ST3GAL6: variants seen among roughly 807,000 people sequenced by gnomAD.
The protein encoded by ST3GAL6 is type 2 lactosamine alpha-2,3-sialyltransferase.
ST3GAL6 carries 31 observed loss-of-function variants against 40.5 expected under a neutral mutation model. That is an observed-to-expected ratio of 0.77 (90% CI 0.58 to 1.03). The LOEUF is 1.03. Among genes scored for constraint, ST3GAL6 ranks in the 50% least tolerant of loss-of-function variants. The pLI, the probability that ST3GAL6 is intolerant of heterozygous loss-of-function variation, is 0.00. For synonymous variants in ST3GAL6, 129 were observed against 136.9 expected (o/e 0.94, Z 0.40); for missense variants, 357 against 393.2 (o/e 0.91, Z 0.78).
Position 98,793,797 on chromosome 3 carries a change from GT to G in ST3GAL6, c.*40del. 1 of 1,393,704 alleles carries G rather than the reference GT, an allele frequency of 7.2e-7. No individual in the cohort carries two copies. Among genetic ancestry groups the G allele is most frequent in the Non-Finnish European group, 9.9e-7 (1 of 1,014,890 alleles). 86.3% of individuals were successfully genotyped at this position (1,393,704 alleles called of 1,614,324 possible). A position where few individuals can be genotyped will look rare whatever the true frequency, so the allele number is the denominator to read the frequency against. ...TCAGAAGATGATGCTAACAGTGTTAGTTTTATTTTTGTACTGCAATTTTTAG... is the reference window on the plus strand; with the variant it reads ...TCAGAAGATGATGCTAACAGTGTTAGTTTATTTTTGTACTGCAATTTTTAG... On this transcript the variant is annotated 3_prime_UTR_variant, in exon 10 of 10. Transcript: ENST00000483910.
In ST3GAL6 at chr3:98,755,336, G is replaced by A. The variant is rs565724191; in HGVS notation, c.-11-13094G>A. On this transcript the variant is annotated intron_variant, in intron 1 of 9. Coordinates refer to the ST3GAL6 transcript ENST00000265261. The stretch of plus-strand genomic sequence containing the variant: ...GCTGGGATTACAGGTGTGAGCCACC[G>A]CGCCCGGCCTGAACTTATATACTAG... Among the ~76,000 whole-genome samples, 10 of 152,220 alleles carry A rather than the reference G, an allele frequency of 6.6e-5. No individual in the cohort carries two copies. The East Asian group carries it at 1.5e-3, about 24-fold the overall frequency.
At chr3:98,771,943 G>A (rs573615915) in intron 3 of ST3GAL6, among the ~76,000 whole-genome samples, 1 of 152,146 alleles carries the variant, frequency 6.6e-6, no homozygotes, top group Admixed American at 6.5e-5. Flanking sequence ...TACTACTCCA[G>A]ATGTACTGTG....
intron 1 of ST3GAL6, chr3:98,732,880 G>C: frequency 2.0e-6 from 3 of 1,512,768 alleles, no homozygotes; most frequent in Non-Finnish European, 2.6e-6. Context: ...CAGGCGCCGC[G>C]AGAGAGGCAG....
upstream of ST3GAL6, among the ~76,000 whole-genome samples, chr3:98,760,511 A>G (rs1171097324): frequency 6.6e-6 from 1 of 152,248 alleles, no homozygotes; most frequent in Non-Finnish European, 1.5e-5. Context: ...TCGAGTACGT[A>G]CACATTATGA....
Position 98,773,952 on chromosome 3 carries a change from CAG to C in ST3GAL6, c.307_308del (p.Ser103LeufsTer2), listed in dbSNP as rs762859626. On this transcript the variant is annotated frameshift_variant, in exon 5 of 10. Transcript: ENST00000483910. LOFTEE classifies it high-confidence loss of function. Reference protein sequence around the residue: ...EYFRLALSKLQSCDLFDEFDN... With the variant: ...EYFRLALSKLXSCDLFDEFDN... The stretch of plus-strand genomic sequence containing the variant: ...TTTTCGACTTGCTCTTTCAAAACTG[CAG>C]AGTTGTGATCTCTTTGATGAGTTTG... 2 of 1,613,380 alleles carry C rather than the reference CAG, an allele frequency of 1.2e-6. No homozygotes were observed. Among genetic ancestry groups the C allele is most frequent in the Non-Finnish European group, 1.7e-6 (2 of 1,179,508 alleles).
chr3:98,778,152 G>T (rs938285084), intron 5 of ST3GAL6, among the ~76,000 whole-genome samples: 1 of 152,186 alleles, frequency 6.6e-6, no homozygotes, highest in Non-Finnish European at 1.5e-5. Flanking sequence ...AGCACAGGTG[G>T]TTATATAGTA....
chr3:98,755,203 C>T (rs889544137), intron 1 of ST3GAL6, among the ~76,000 whole-genome samples: 7 of 152,112 alleles, frequency 4.6e-5, no homozygotes, highest in African/African-American at 1.7e-4. Flanking sequence ...CCTGCCACCG[C>T]GCCTGACTGA....
intron 1 of ST3GAL6, among the ~76,000 whole-genome samples, chr3:98,754,544 T>C (rs1937269710): frequency 6.6e-6 from 1 of 152,202 alleles, no homozygotes; most frequent in Non-Finnish European, 1.5e-5. Flanking sequence ...ATAAATTTAG[T>C]TGATAAAACA....
chr3:98,751,108 C>T (rs1389029369), intron 1 of ST3GAL6, among the ~76,000 whole-genome samples: 6 of 149,966 alleles, frequency 4.0e-5, no homozygotes, highest in African/African-American at 1.5e-4. Context: ...GTGACATGAT[C>T]TTGGCTCACT....
At chr3:98,792,314 A>G (rs1941273653) in intron 9 of ST3GAL6, among the ~76,000 whole-genome samples, 1 of 152,178 alleles carries the variant, frequency 6.6e-6, no homozygotes, top group Non-Finnish European at 1.5e-5. Flanking sequence ...TTGAGATATT[A>G]CAAATTCACC....
chr3:98,735,959 T>C (rs970061423), intron 1 of ST3GAL6, among the ~76,000 whole-genome samples: 1 of 152,118 alleles, frequency 6.6e-6, no homozygotes, highest in African/African-American at 2.4e-5. Flanking sequence ...GGTCAGGAAC[T>C]TGACTGTCGT....
chr3:98,772,727 T>A, intron 3 of ST3GAL6, 86 bp from the exon 4 acceptor site: 1 of 847,374 alleles, frequency 1.2e-6, no homozygotes, highest in Non-Finnish European at 2.0e-6. Context: ...ATGGATTATA[T>A]GCTGTAGTTA....
At chr3:98,733,688 T>C (rs1274735168) in intron 1 of ST3GAL6, 1 of 759,544 alleles carries the variant, frequency 1.3e-6, no homozygotes, top group Non-Finnish European at 1.6e-6. Flanking sequence ...ATCCCGGCAA[T>C]CTCAAGCCTC....
intron 5 of ST3GAL6, among the ~76,000 whole-genome samples, chr3:98,780,195 A>T (rs867051374): frequency 6.6e-6 from 1 of 152,172 alleles, no homozygotes; most frequent in Non-Finnish European, 1.5e-5. Context: ...GAGGAGTGCG[A>T]TTCAGACAGC....
chr3:98,790,426 T>C (rs1161345940), intron 8 of ST3GAL6, among the ~76,000 whole-genome samples: 1 of 152,120 alleles, frequency 6.6e-6, no homozygotes, highest in Non-Finnish European at 1.5e-5. Context: ...AAGCCACTCT[T>C]TTGACTGCTT....
chr3:98,771,323 T>C (rs528160037), intron 3 of ST3GAL6: 27 of 357,946 alleles, frequency 7.5e-5, no homozygotes, highest in South Asian at 7.0e-4. Flanking sequence ...TCCTTGCCTC[T>C]AGGTTAAACT....
intron 3 of ST3GAL6, 165 bp downstream of exon 3, chr3:98,771,121 T>G (rs1052509351): frequency 7.3e-6 from 11 of 1,516,404 alleles, no homozygotes; most frequent in Non-Finnish European, 9.7e-6. Context: ...GTGCTTTTAG[T>G]CAGAGCTCTG....
rs181379088 is a variant in ST3GAL6 at position 98,782,754 on chromosome 3, G to A, written c.336-2191G>A. The A allele has an allele frequency of 1.5e-3, 789 of 509,982 alleles. 12 individuals are homozygous for A. The highest frequency in any genetic ancestry group is 0.014 in the African/African-American group (726 of 51,252). 31.6% of individuals were successfully genotyped at this position (509,982 alleles called of 1,614,324 possible). A position where few individuals can be genotyped will look rare whatever the true frequency, so the allele number is the denominator to read the frequency against. ...TCCATAGATCATGTTCAGCCTCCAA[G>A]TGGTCTCATAATCAACAAAGAATCT... On this transcript the variant is annotated intron_variant, in intron 5 of 9. Coordinates refer to ENST00000483910, the MANE Select transcript of ST3GAL6 (RefSeq NM_001323368.2).
intron 5 of ST3GAL6, among the ~76,000 whole-genome samples, chr3:98,779,310 T>C (rs1296886140): frequency 6.6e-6 from 1 of 152,212 alleles, no homozygotes; most frequent in East Asian, 1.9e-4. Flanking sequence ...ATGGGTCACA[T>C]GGCTATGTCT....
Sources: allele counts gnomAD v4.1 joint callset (sites outside exome capture counted in the v4.1 genomes callset), GRCh38; gene constraint gnomAD v4.1.1; transcripts MANE v1.5; gene names NCBI Gene and HGNC (gene_info 2026-07-23, HGNC 2026-07-21).